The following SNPH variants were observed in gnomAD, a reference collection of about 807,000 sequenced individuals.
The protein encoded by SNPH is syntaphilin.
In SNPH, 10 loss-of-function variants were observed where a neutral mutation model predicts 36.8. The observed-to-expected ratio is 0.27, with a 90% confidence interval of 0.17 to 0.46. SNPH has a LOEUF of 0.46. SNPH is among the 20% of genes least tolerant of loss of function. The pLI is 1.00. For synonymous variants in SNPH, 281 were observed against 312.2 expected, an observed-to-expected ratio of 0.90 and a Z score of 1.05; for missense variants, 622 against 744.0, an observed-to-expected ratio of 0.84 and a Z score of 1.91.
intron 2 of SNPH, among the ~76,000 whole-genome samples, chr20:1,289,393 AGAGGGGGGGCACTG>A (rs2088323262): frequency 1.3e-5 from 2 of 152,128 alleles, no homozygotes; most frequent in Non-Finnish European, 1.5e-5. Context: ...GAAGTCAGGT[AGAGGGGGGGCACTG>A]GCTCTTGCTC....
At chr20:1,297,996 A>G (rs184074363) in intron 5 of SNPH, among the ~76,000 whole-genome samples, 1 of 152,342 alleles carries the variant, frequency 6.6e-6, no homozygotes, top group East Asian at 1.9e-4. Flanking sequence ...ACTCGGACTC[A>G]CAAAGCAGGA....
intron 2 of SNPH, among the ~76,000 whole-genome samples, chr20:1,281,766 A>G (rs1016401335): frequency 2.6e-5 from 4 of 152,236 alleles, no homozygotes; most frequent in African/African-American, 9.6e-5. Context: ...TTATGGGACT[A>G]TTGGCAGAGG....
intron 4 of SNPH, 28 bp downstream of exon 4, chr20:1,296,449 G>A (rs1422794013): frequency 6.4e-7 from 1 of 1,571,844 alleles, no homozygotes; most frequent in East Asian, 2.4e-5. Context: ...TCACAGCCTA[G>A]GCTTCGGAGG....
chr20:1,278,379 T>A (rs1157449939), intron 2 of SNPH, among the ~76,000 whole-genome samples: 1 of 152,194 alleles, frequency 6.6e-6, no homozygotes. Context: ...CTTCTAGCTT[T>A]ATTGAAATAT....
At chr20:1,296,476 C>T (rs1278405149) in intron 4 of SNPH, 55 bp downstream of exon 4, 13 of 1,478,938 alleles carry the variant, frequency 8.8e-6, no homozygotes, top group African/African-American at 2.9e-5. Flanking sequence ...GGAGGGCGCA[C>T]GGGCCTCTCT....
chr20:1,285,905 G>A lies in SNPH; in HGVS notation c.-492-9046G>A, dbSNP rs1277710698. Among the ~76,000 whole-genome samples, 2 of 151,934 alleles carry A rather than the reference G, an allele frequency of 1.3e-5. No homozygotes were observed. The highest frequency in any genetic ancestry group is 2.9e-5 in the Non-Finnish European group (2 of 68,004). ...AGGTCAGGAGTTTGAGACCATCCTG[G>A]CCAATATGGTGAAACCCCGTCTCTA... On this transcript the variant is annotated intron_variant, in intron 2 of 6. Transcript: ENST00000381867. The surrounding 1 kb of genome is among the most constrained non-coding windows in gnomAD (Gnocchi z 4.9).
chr20:1,280,143 C>G (rs1018927794), intron 2 of SNPH, among the ~76,000 whole-genome samples: 1 of 152,216 alleles, frequency 6.6e-6, no homozygotes, highest in East Asian at 1.9e-4. Flanking sequence ...TGTGTGGAGC[C>G]TGGACGAGGA....
intron 2 of SNPH, among the ~76,000 whole-genome samples, chr20:1,282,061 T>C (rs2088231822): frequency 6.6e-6 from 1 of 152,268 alleles, no homozygotes; most frequent in Admixed American, 6.5e-5. Flanking sequence ...TTGAACACTT[T>C]GCCTTTTAAG....
chr20:1,275,176 T>C (rs984982283), intron 2 of SNPH, among the ~76,000 whole-genome samples: 1 of 152,280 alleles, frequency 6.6e-6, no homozygotes, highest in Admixed American at 6.5e-5. Flanking sequence ...CCTGGCTCAT[T>C]TCCAGTTCTG....
At position 1,307,115 on chromosome 20, in the gene SNPH, A is replaced by G. The variant is rs992609346; in HGVS notation, c.*1061A>G. ...CTTTGGGGTTGGTTCTCAGCCATCC[A>G]AGGGTCTCCAGTGAGGTGGCTGCTT... On this transcript the variant is annotated 3_prime_UTR_variant, in exon 7 of 7. Coordinates refer to ENST00000381867, the MANE Select transcript of SNPH (RefSeq NM_001318234.2). 2.0e-5 allele frequency: 3 copies of G among 152,774 alleles called. No homozygotes were observed. Among genetic ancestry groups the G allele is most frequent in the Non-Finnish European group, 4.4e-5 (3 of 68,064 alleles). The allele number at this position is 152,774 out of a possible 1,614,324, so 9.5% of individuals were successfully genotyped here.
rs551397872 is a variant in SNPH, at chr20:1,290,137, G to A, written c.-492-4814G>A. On this transcript the variant is annotated intron_variant, in intron 2 of 6. Transcript: ENST00000381867. ...TGAGTCATGAGAATCACTTGAACCC[G>A]GGAGGCGGAGGTTGCAGTGAGCTGA... 8.6e-5 allele frequency among the ~76,000 whole-genome samples: 13 copies of A among 151,898 alleles called. No homozygotes were observed. The South Asian group carries it at 1.5e-3, about 17-fold the overall frequency.
At chr20:1,295,589 G>A (rs1302568215) in intron 3 of SNPH, among the ~76,000 whole-genome samples, 187 bp from the exon 4 acceptor site, 1 of 152,252 alleles carries the variant, frequency 6.6e-6, no homozygotes, top group East Asian at 1.9e-4. Context: ...ATGCCTGTGT[G>A]CCGCATGGGT....
At chr20:1,283,344 C>T (rs563423200) in intron 2 of SNPH, among the ~76,000 whole-genome samples, 12 of 152,330 alleles carry the variant, frequency 7.9e-5, no homozygotes, top group South Asian at 6.2e-4. Context: ...CACCCACCCC[C>T]ACGCTGACCT....
chr20:1,282,563 T>G (rs1354200721), intron 2 of SNPH, among the ~76,000 whole-genome samples: 2 of 152,146 alleles, frequency 1.3e-5, no homozygotes, highest in African/African-American at 4.8e-5. Flanking sequence ...TAATCAGTGG[T>G]TTGAGTAGCA....
chr20:1,278,120 A>T (rs1415207040), intron 2 of SNPH, among the ~76,000 whole-genome samples: 1 of 79,314 alleles, frequency 1.3e-5, no homozygotes, highest in African/African-American at 5.4e-5. Flanking sequence ...TTGTGTGTGT[A>T]TCTGTGTGTG....
In SNPH at chr20:1,266,631, ATC is replaced by A; in HGVS notation, c.-599-19_-599-18del. On this transcript the variant is annotated intron_variant, in intron 1 of 6. Transcript: ENST00000381867. The surrounding 1 kb of genome is among the most constrained non-coding windows in gnomAD (Gnocchi z 6.0). ...CGCCCGCGCTCACCCGCCCCGGTCT[ATC>A]TCTTTTTCCTAACCCCGCAGGTCGC... is the stretch of plus-strand genomic sequence containing the variant. 1 of 1,484,152 alleles carries A rather than the reference ATC, an allele frequency of 6.7e-7. No individual in the cohort carries two copies. 91.9% of individuals were successfully genotyped at this position (1,484,152 alleles called of 1,614,324 possible). A position where few individuals can be genotyped will look rare whatever the true frequency, so the allele number is the denominator to read the frequency against.
At chr20:1,271,411 G>A (rs985918527) in intron 2 of SNPH, among the ~76,000 whole-genome samples, 2 of 152,132 alleles carry the variant, frequency 1.3e-5, no homozygotes, top group Non-Finnish European at 2.9e-5. Flanking sequence ...GCATGATCTT[G>A]GCTCACTGCA....
At position 1,308,279 on chromosome 20, in the gene SNPH, C is replaced by A. The variant is rs2088607958; in HGVS notation, c.*2225C>A. 1 of 153,106 alleles carries A rather than the reference C, an allele frequency of 6.5e-6. No individual in the cohort carries two copies. Among genetic ancestry groups the A allele is most frequent in the Admixed American group, 6.5e-5 (1 of 15,288 alleles). 9.5% of individuals were successfully genotyped at this position (153,106 alleles called of 1,614,324 possible). On this transcript the variant is annotated 3_prime_UTR_variant, in exon 7 of 7. Coordinates refer to ENST00000381867, the MANE Select transcript of SNPH (RefSeq NM_001318234.2). ...GGTGAGTGTAGCCAGCAGCGGCCGT[C>A]TACTCCTGTTCTGGCCTGAGACCAC...
Position 1,306,303 on chromosome 20 carries a change from G to T in SNPH, c.*249G>T, listed in dbSNP as rs987810536. 8 of 407,406 alleles carry T rather than the reference G, an allele frequency of 2.0e-5. No individual in the cohort carries two copies. The highest frequency in any genetic ancestry group is 2.6e-5 in the Non-Finnish European group (6 of 233,826). The allele number at this position is 407,406 out of a possible 1,614,324, so 25.2% of individuals were successfully genotyped here. A position where few individuals can be genotyped will look rare whatever the true frequency, so the allele number is the denominator to read the frequency against. On this transcript the variant is annotated 3_prime_UTR_variant, in exon 7 of 7. Coordinates refer to ENST00000381867, the MANE Select transcript of SNPH (RefSeq NM_001318234.2). ...GTACACCAGCTGGACAAATTGCAGG[G>T]AGGGGAGGGAGCGAGGGCCAACCCG...
Sources: gnomAD v4.1 joint callset for allele counts (sites outside exome capture counted in the v4.1 genomes callset) on GRCh38, gnomAD v4.1.1 for gene constraint, Gnocchi (gnomAD v3.1) non-coding constraint, MANE v1.5 for transcripts, NCBI Gene and HGNC (gene_info 2026-07-23, HGNC 2026-07-21) for gene names.